The following KIF26B variants were observed in gnomAD, a reference collection of about 807,000 sequenced individuals.
The protein encoded by KIF26B is kinesin-like protein KIF26B.
Under a neutral mutation model 151.2 loss-of-function variants are expected in KIF26B, and 63 were observed. The ratio of observed to expected loss-of-function variants is 0.42; its 90% CI spans 0.34 to 0.51. The LOEUF is 0.51. Ranked by LOEUF, KIF26B falls within the 20% of genes least tolerant of loss-of-function variation. KIF26B has a pLI of 0.07. For synonymous variants in KIF26B, 1,357 were observed against 1,262.1 expected, an observed-to-expected ratio of 1.08 and a Z score of -1.59; for missense variants, 2,813 against 2,913.6, an observed-to-expected ratio of 0.97 and a Z score of 0.79.
intron 4 of KIF26B, among the ~76,000 whole-genome samples, chr1:245,505,600 G>A (rs1401054947): frequency 6.6e-6 from 1 of 151,864 alleles, no homozygotes. Context: ...GGCCAGGCTG[G>A]TCTTGAACTC....
chr1:245,174,652 A>G (rs1010427063), intron 2 of KIF26B, among the ~76,000 whole-genome samples: 1 of 152,136 alleles, frequency 6.6e-6, no homozygotes, highest in Non-Finnish European at 1.5e-5. Context: ...GACTGCAGGC[A>G]TGTGCCACCA....
At position 245,419,728 on chromosome 1, in the gene KIF26B, C is replaced by T. The variant is rs773758063; in HGVS notation, c.1149C>T (p.Ala383=). ...AGACTTCCACAGGCACATCGGTGGC[C>T]GCCTCCTTCTTTGCACGGTAAGAGA... is the stretch of plus-strand genomic sequence containing the variant. ...ASETSTGTSV[A]ASFFARAAQK... The change falls in exon 4 of 15, where the codon GCC becomes GCT. Residue 383 remains alanine (A), a synonymous_variant. Transcript: ENST00000407071. 92 of 1,612,002 alleles carry T rather than the reference C, an allele frequency of 5.7e-5. 2 individuals are homozygous for T. In the African/African-American group the frequency reaches 7.6e-4, roughly 13 times the overall value.
intron 3 of KIF26B, among the ~76,000 whole-genome samples, chr1:245,394,193 T>G (rs887592233): frequency 1.3e-5 from 2 of 152,206 alleles, no homozygotes; most frequent in African/African-American, 2.4e-5. Context: ...TTTCTTCCTC[T>G]CCCATTTTCT....
At chr1:245,198,972 T>C (rs1170312400) in intron 2 of KIF26B, among the ~76,000 whole-genome samples, 1 of 151,890 alleles carries the variant, frequency 6.6e-6, no homozygotes, top group Non-Finnish European at 1.5e-5. Flanking sequence ...GTGTGGCCGC[T>C]GAGCTGAGCT....
At chr1:245,443,410 T>A (rs919585390) in intron 4 of KIF26B, among the ~76,000 whole-genome samples, 1 of 99,162 alleles carries the variant, frequency 1.0e-5, no homozygotes, top group Admixed American at 9.6e-5. Context: ...AGAGGAGAGG[T>A]CATCTCCCTC....
At chr1:245,661,918 T>A (rs1009150417) in intron 10 of KIF26B, among the ~76,000 whole-genome samples, 1 of 94,700 alleles carries the variant, frequency 1.1e-5, no homozygotes, top group African/African-American at 4.0e-5. Flanking sequence ...ATACACACAC[T>A]CAATATATAT....
At chr1:245,464,483 GC>G (rs1418089617) in intron 4 of KIF26B, among the ~76,000 whole-genome samples, 3 of 150,280 alleles carry the variant, frequency 2.0e-5, no homozygotes, top group African/African-American at 4.9e-5. Flanking sequence ...GGGGGTGTGT[GC>G]CCGTGGGTGT....
intron 3 of KIF26B, among the ~76,000 whole-genome samples, chr1:245,377,049 A>G (rs1434364760): frequency 6.7e-6 from 1 of 150,006 alleles, no homozygotes; most frequent in Non-Finnish European, 1.5e-5. Flanking sequence ...TGAGTAGCTG[A>G]GATTACAGGC....
rs937264505 is a variant in KIF26B, at chr1:245,455,277, G to A, written c.1166+35532G>A. ...TCCGAGCACTTTGGGAGGCTGAGGC[G>A]GGCAGATCACGAGGTCAAGAGATCG... On this transcript the variant is annotated intron_variant, in intron 4 of 14. Transcript: ENST00000407071. 3.3e-5 allele frequency among the ~76,000 whole-genome samples: 5 copies of A among 152,042 alleles called. No homozygotes were observed. In the South Asian group the frequency reaches 6.2e-4, roughly 19 times the overall value.
At chr1:245,245,723 G>T (rs1201714295) in intron 2 of KIF26B, among the ~76,000 whole-genome samples, 1 of 152,074 alleles carries the variant, frequency 6.6e-6, no homozygotes, top group Non-Finnish European at 1.5e-5. Flanking sequence ...ACGAGGTCAG[G>T]AGTTCAATAC....
chr1:245,346,105 T>TG (rs1167014873), intron 2 of KIF26B, among the ~76,000 whole-genome samples: 6 of 151,034 alleles, frequency 4.0e-5, no homozygotes, highest in African/African-American at 1.5e-4. Context: ...GCTAATTTTT[T>TG]TTTGTGTGTG....
Position 245,565,761 on chromosome 1 carries a change from T to C in KIF26B, c.1350+24811T>C, listed in dbSNP as rs542987135. Among the ~76,000 whole-genome samples the C allele has an allele frequency of 1.7e-4, 26 of 152,332 alleles. 1 individual carries two copies. In the South Asian group the frequency reaches 5.4e-3, roughly 32 times the overall value. On this transcript the variant is annotated intron_variant, in intron 5 of 14. Transcript: ENST00000407071. ...CTTATGTGGCCTTACTTTGAAGATA[T>C]TCATATGTTAGTCCATTTTGCATTA...
intron 5 of KIF26B, among the ~76,000 whole-genome samples, chr1:245,542,702 A>G (rs1661651975): frequency 6.6e-6 from 1 of 152,250 alleles, no homozygotes; most frequent in African/African-American, 2.4e-5. Flanking sequence ...GGGTCCAAGT[A>G]ACTGCTGGGA....
chr1:245,425,509 C>T (rs1330867172), intron 4 of KIF26B, among the ~76,000 whole-genome samples: 6 of 152,162 alleles, frequency 3.9e-5, no homozygotes, highest in Non-Finnish European at 5.9e-5. Flanking sequence ...CAGGTTCAAG[C>T]GATTTTCCTG....
intron 10 of KIF26B, among the ~76,000 whole-genome samples, chr1:245,653,081 G>A (rs561634003): frequency 9.2e-5 from 14 of 152,234 alleles, no homozygotes; most frequent in Non-Finnish European, 1.8e-4. Context: ...AGCAGAGTAG[G>A]AAAGGGTAGA....
rs1327732294 is a variant in KIF26B at position 245,170,273 on chromosome 1, G to T, written c.465+13590G>T. ...AGAGCAGCGCCTTCACCTCGGTGGA[G>T]CTTAGTCTAGGCATTTATGGGTCGG... is the stretch of plus-strand genomic sequence containing the variant. On this transcript the variant is annotated intron_variant, in intron 2 of 14. Transcript: ENST00000407071. The surrounding 1 kb of genome is among the most constrained non-coding windows in gnomAD (Gnocchi z 4.4). 2.0e-5 allele frequency among the ~76,000 whole-genome samples: 3 copies of T among 152,158 alleles called. No homozygotes were observed. The highest frequency in any genetic ancestry group is 7.2e-5 in the African/African-American group (3 of 41,434).
At chr1:245,490,689 C>T (rs895126149) in intron 4 of KIF26B, among the ~76,000 whole-genome samples, 4 of 152,122 alleles carry the variant, frequency 2.6e-5, no homozygotes, top group African/African-American at 7.2e-5. Context: ...AAAAAGCAGC[C>T]GTTTCATATT....
chr1:245,334,223 G>A (rs958299184), intron 2 of KIF26B, among the ~76,000 whole-genome samples: 3 of 151,420 alleles, frequency 2.0e-5, no homozygotes, highest in Admixed American at 6.6e-5. Flanking sequence ...TCTACATGCA[G>A]CTTTAAAATC....
At chr1:245,647,791 A>G (rs1470769330) in intron 10 of KIF26B, among the ~76,000 whole-genome samples, 5 of 152,220 alleles carry the variant, frequency 3.3e-5, no homozygotes, top group African/African-American at 1.2e-4. Context: ...ATTTCCTACC[A>G]GGAGAACCAT....
Sources: gnomAD v4.1 joint callset for allele counts (sites outside exome capture counted in the v4.1 genomes callset) on GRCh38, gnomAD v4.1.1 for gene constraint, Gnocchi (gnomAD v3.1) non-coding constraint, MANE v1.5 for transcripts, NCBI Gene and HGNC (gene_info 2026-07-23, HGNC 2026-07-21) for gene names.